Variants in SLC24A2 observed in about 807,000 individuals in gnomAD.
SLC24A2 encodes sodium/potassium/calcium exchanger 2.
Under a neutral mutation model 62.0 loss-of-function variants are expected in SLC24A2, and 36 were observed. The ratio of observed to expected loss-of-function variants is 0.58; its 90% CI spans 0.44 to 0.77. SLC24A2 has a LOEUF of 0.77. Among genes scored for constraint, SLC24A2 ranks in the 30% least tolerant of loss-of-function variants. The probability of loss-of-function intolerance (pLI) is 0.00; values close to 1 mark genes in which losing one functional copy is unlikely to be tolerated. For missense variants in SLC24A2, 846 were observed against 817.9 expected, an observed-to-expected ratio of 1.03 and a Z score of -0.42; for synonymous variants, 358 against 294.0, an observed-to-expected ratio of 1.22 and a Z score of -2.23.
chr9:19,896,365 A>T, the SLC24A2 span, among the ~76,000 whole-genome samples: 1 of 152,246 alleles, frequency 6.6e-6, no homozygotes, highest in South Asian at 2.1e-4. Context: ...CCAGTTAAAC[A>T]GATGAACATT....
At chr9:19,981,577 A>G in the SLC24A2 span, among the ~76,000 whole-genome samples, 1 of 152,154 alleles carries the variant, frequency 6.6e-6, no homozygotes, top group Admixed American at 6.5e-5. Flanking sequence ...CTATTTATAC[A>G]ATAAAGCTGC....
At chr9:20,187,909 A>G in the SLC24A2 span, among the ~76,000 whole-genome samples, 1 of 152,196 alleles carries the variant, frequency 6.6e-6, no homozygotes, top group African/African-American at 2.4e-5. Flanking sequence ...ATCCCACATG[A>G]TTCCTCCGCT....
At chr9:19,690,714 T>C (rs1218822919) in intron 2 of SLC24A2, among the ~76,000 whole-genome samples, 1 of 152,138 alleles carries the variant, frequency 6.6e-6, no homozygotes, top group Non-Finnish European at 1.5e-5. Flanking sequence ...TTTTTTCCTT[T>C]TTGCATAAAT....
chr9:20,267,243 A>T, the SLC24A2 span, among the ~76,000 whole-genome samples: 2 of 152,218 alleles, frequency 1.3e-5, no homozygotes, highest in Non-Finnish European at 2.9e-5. Flanking sequence ...AGATATTTAC[A>T]TCATATAGCA....
At position 19,711,098 on chromosome 9, in the gene SLC24A2, G is replaced by A. The variant is rs75106289; in HGVS notation, c.930+74839C>T. Among the ~76,000 whole-genome samples, 651 of 152,320 alleles carry A rather than the reference G, an allele frequency of 4.3e-3. 4 individuals carry two copies. The highest frequency in any genetic ancestry group is 0.015 in the African/African-American group (622 of 41,568). ...GTGTGCTTAGCAGTTCTGTAAGTAAGGTCTGGGAATTCTTGAGGGTCACTG... is the reference window on the plus strand; with the variant it reads ...GTGTGCTTAGCAGTTCTGTAAGTAAAGTCTGGGAATTCTTGAGGGTCACTG... On this transcript the variant is annotated intron_variant, in intron 2 of 10. Coordinates refer to ENST00000341998, the MANE Select transcript of SLC24A2 (RefSeq NM_020344.4).
chr9:20,096,099 CCG>C, the SLC24A2 span, among the ~76,000 whole-genome samples: 67 of 137,576 alleles, frequency 4.9e-4, no homozygotes, highest in African/African-American at 1.6e-3. Context: ...GTCCGTCCGT[CCG>C]TCCGTCCGTC....
the SLC24A2 span, among the ~76,000 whole-genome samples, chr9:20,038,999 A>G: frequency 6.6e-6 from 1 of 152,238 alleles, no homozygotes; most frequent in Admixed American, 6.5e-5. Context: ...TGGAAATTCA[A>G]CATAATATAA....
At chr9:19,939,655 A>T in the SLC24A2 span, among the ~76,000 whole-genome samples, 1 of 152,178 alleles carries the variant, frequency 6.6e-6, no homozygotes, top group Non-Finnish European at 1.5e-5. Flanking sequence ...TAAATTTGTA[A>T]AAAATAAAGT....
At chr9:19,565,219 T>C (rs993587118) in intron 7 of SLC24A2, among the ~76,000 whole-genome samples, 16 of 152,014 alleles carry the variant, frequency 1.1e-4, no homozygotes, top group South Asian at 2.1e-4. Context: ...GAAAACCCCA[T>C]TGTCTCAGCC....
chr9:19,904,565 T>C, the SLC24A2 span, among the ~76,000 whole-genome samples: 1 of 152,078 alleles, frequency 6.6e-6, no homozygotes, highest in Admixed American at 6.5e-5. Context: ...GGTTAGACTA[T>C]AAGACCTGCC....
chr9:20,086,875 T>C, the SLC24A2 span, among the ~76,000 whole-genome samples: 1 of 152,226 alleles, frequency 6.6e-6, no homozygotes, highest in Admixed American at 6.5e-5. Flanking sequence ...TGCATGAGCC[T>C]TGTCTTGAGC....
chr9:20,294,550 A>G, the SLC24A2 span, among the ~76,000 whole-genome samples: 1 of 152,150 alleles, frequency 6.6e-6, no homozygotes, highest in Non-Finnish European at 1.5e-5. Flanking sequence ...TGCTGACTCA[A>G]TGCTTTCTTA....
chr9:20,120,961 T>A, the SLC24A2 span, among the ~76,000 whole-genome samples: 1 of 151,676 alleles, frequency 6.6e-6, no homozygotes, highest in African/African-American at 2.4e-5. Context: ...ATTTGCAAAC[T>A]GTACTCTATT....
At chr9:19,703,999 T>G (rs1697083329) in intron 2 of SLC24A2, among the ~76,000 whole-genome samples, 1 of 152,200 alleles carries the variant, frequency 6.6e-6, no homozygotes, top group South Asian at 2.1e-4. Context: ...CAATTGGAAA[T>G]AACTCCAGTG....
intron 2 of SLC24A2, among the ~76,000 whole-genome samples, chr9:19,637,995 T>G (rs1045509028): frequency 6.6e-6 from 1 of 152,230 alleles, no homozygotes; most frequent in East Asian, 1.9e-4. Context: ...TCAATAGCAC[T>G]TAGCATTCAA....
intron 2 of SLC24A2, among the ~76,000 whole-genome samples, chr9:19,775,413 A>G (rs563661216): frequency 1.3e-5 from 2 of 152,324 alleles, no homozygotes; most frequent in African/African-American, 2.4e-5. Context: ...TTACTCTGCA[A>G]TCGTTCTATC....
chr9:19,885,265 G>T, the SLC24A2 span, among the ~76,000 whole-genome samples: 2 of 152,118 alleles, frequency 1.3e-5, no homozygotes, highest in Non-Finnish European at 2.9e-5. Context: ...AGGTGGGGAG[G>T]CACTTCCATT....
chr9:19,836,811 T>C, the SLC24A2 span, among the ~76,000 whole-genome samples: 4 of 152,268 alleles, frequency 2.6e-5, no homozygotes, highest in East Asian at 1.9e-4. Context: ...TTGATGAACA[T>C]TGATGCAAAA....
At chr9:20,204,980 C>G in the SLC24A2 span, among the ~76,000 whole-genome samples, 1 of 152,026 alleles carries the variant, frequency 6.6e-6, no homozygotes, top group Non-Finnish European at 1.5e-5. Context: ...CTCTTAACCT[C>G]ATGATCCACC....
Sources: gnomAD v4.1 joint callset for allele counts (sites outside exome capture counted in the v4.1 genomes callset) on GRCh38, gnomAD v4.1.1 for gene constraint, MANE v1.5 for transcripts, NCBI Gene and HGNC (gene_info 2026-07-23, HGNC 2026-07-21) for gene names.